LIMCH1: variants seen among roughly 807,000 people sequenced by gnomAD.
The protein encoded by LIMCH1 is LIM and calponin homology domains 1.
Under a neutral mutation model 176.5 loss-of-function variants are expected in LIMCH1, and 113 were observed. The ratio of observed to expected loss-of-function variants is 0.64; its 90% CI spans 0.55 to 0.75. The LOEUF is 0.75. Among genes scored for constraint, LIMCH1 ranks in the 30% least tolerant of loss-of-function variants. LIMCH1 has a pLI of 0.00. For missense variants in LIMCH1, 1,674 were observed against 1,814.9 expected, an observed-to-expected ratio of 0.92 and a Z score of 1.41; for synonymous variants, 619 against 645.9, an observed-to-expected ratio of 0.96 and a Z score of 0.63.
intron 15 of LIMCH1, 115 bp downstream of exon 15, chr4:41,644,741 T>A (rs13101981): frequency 0.12 from 158,666 of 1,273,238 alleles, 10,510 homozygotes; most frequent in Admixed American, 0.18. Context: ...CCCTAGAGGG[T>A]TTCAAAAGGT....
intron 20 of LIMCH1, among the ~76,000 whole-genome samples, chr4:41,663,188 T>G (rs1226978438): frequency 1.4e-5 from 2 of 146,932 alleles, no homozygotes; most frequent in African/African-American, 2.5e-5. Flanking sequence ...AGTTTTGCTC[T>G]TGTTGCCCAG....
At chr4:41,685,948 C>G in intron 28 of LIMCH1, 118 bp downstream of exon 28, 1 of 1,094,270 alleles carries the variant, frequency 9.1e-7, no homozygotes, top group Non-Finnish European at 1.3e-6. Flanking sequence ...TGTGCTTTCT[C>G]TCCATTAAAT....
chr4:41,468,321 C>T, intron 1 of LIMCH1, among the ~76,000 whole-genome samples: 1 of 91,440 alleles, frequency 1.1e-5, no homozygotes, highest in Non-Finnish European at 2.3e-5. Context: ...CCTGCCCTGC[C>T]TTCCCTGCTC....
At chr4:41,373,242 A>G (rs1421255868) in intron 1 of LIMCH1, among the ~76,000 whole-genome samples, 1 of 152,160 alleles carries the variant, frequency 6.6e-6, no homozygotes, top group Non-Finnish European at 1.5e-5. Flanking sequence ...GCCATGCAAA[A>G]ATGAGCAAGA....
rs1430236027 is a variant in LIMCH1, at chr4:41,692,275, C to G, written c.4276-7C>G. The G allele has an allele frequency of 1.3e-6, 2 of 1,560,152 alleles. No individual in the cohort carries two copies. Among genetic ancestry groups the G allele is most frequent in the African/African-American group, 2.7e-5 (2 of 73,758 alleles). ...ATCTTATGATGTCTGTTCTTTTTAC[C>G]CTATAGTGTGGAATTTGTAAAGGCC... On this transcript the variant is annotated splice_region_variant and splice_polypyrimidine_tract_variant and intron_variant, in intron 30 of 31. Transcript: ENST00000503057.
rs1395080837 is a variant in LIMCH1, at chr4:41,698,765, C to T, written c.*1580C>T. On this transcript the variant is annotated 3_prime_UTR_variant, in exon 32 of 32. Coordinates refer to ENST00000503057, the MANE Select transcript of LIMCH1 (RefSeq NM_001330672.2). Reference sequence around the variant, plus strand: ...TTCCATATAGGTGCAGAAATTTCCTCAGCCACTGGAGGGATTTCGACCATA... The same window carrying T: ...TTCCATATAGGTGCAGAAATTTCCTTAGCCACTGGAGGGATTTCGACCATA... 2.0e-5 allele frequency: 3 copies of T among 152,602 alleles called. No homozygotes were observed. Among genetic ancestry groups the T allele is most frequent in the Non-Finnish European group, 4.4e-5 (3 of 68,044 alleles). 9.5% of individuals were successfully genotyped at this position (152,602 alleles called of 1,614,324 possible). A position where few individuals can be genotyped will look rare whatever the true frequency, so the allele number is the denominator to read the frequency against.
intron 1 of LIMCH1, among the ~76,000 whole-genome samples, chr4:41,429,658 G>A (rs2061422288): frequency 6.6e-6 from 1 of 152,196 alleles, no homozygotes; most frequent in Non-Finnish European, 1.5e-5. Context: ...TGCCTTTCTT[G>A]ATTTTTCTTC....
rs1491248945 is a variant in LIMCH1, at chr4:41,458,794, AAT to A, written c.97-35740_97-35739del. Among the ~76,000 whole-genome samples, 22 of 150,742 alleles carry A rather than the reference AAT, an allele frequency of 1.5e-4. 2 individuals carry two copies. The highest frequency in any genetic ancestry group is 2.2e-4 in the African/African-American group (9 of 41,010). ...TCACCAAAAAAAAAAAAAAAAAAAAAATAGATTGTGAGTCCTTTCTTGAATAT... is the reference window on the plus strand; with the variant it reads ...TCACCAAAAAAAAAAAAAAAAAAAAAAGATTGTGAGTCCTTTCTTGAATAT... On this transcript the variant is annotated intron_variant, in intron 1 of 26. Coordinates refer to the LIMCH1 transcript ENST00000313860.
chr4:41,581,112 G>GTCTATCTATCTATCTA (rs1554109824), intron 1 of LIMCH1, among the ~76,000 whole-genome samples: 2,751 of 132,958 alleles, frequency 0.021, 45 homozygotes, highest in African/African-American at 0.039. Flanking sequence ...CTGTCTGTCT[G>GTCTATCTATCTATCTA]TCTATCTATC....
At chr4:41,503,485 A>C (rs970240828) in intron 2 of LIMCH1, among the ~76,000 whole-genome samples, 32 of 152,324 alleles carry the variant, frequency 2.1e-4, no homozygotes, top group Non-Finnish European at 3.7e-4. Flanking sequence ...TCCAACCAGG[A>C]CAGACAGCCT....
At chr4:41,680,928 T>G (rs1715197199) in intron 24 of LIMCH1, 27 bp from the exon 25 acceptor site, 1 of 1,258,430 alleles carries the variant, frequency 7.9e-7, no homozygotes, top group African/African-American at 1.5e-5. Flanking sequence ...TTTCCCCCCT[T>G]TCATCGATTC....
At chr4:41,644,473 T>C in intron 14 of LIMCH1, 27 bp from the exon 15 acceptor site, 1 of 1,497,184 alleles carries the variant, frequency 6.7e-7, no homozygotes, top group Admixed American at 2.3e-5. Flanking sequence ...TCGCGGTCCC[T>C]CTTGTGTTCG....
At chr4:41,661,330 T>C (rs1406624965) in intron 18 of LIMCH1, 90 bp from the exon 19 acceptor site, 1 of 894,238 alleles carries the variant, frequency 1.1e-6, no homozygotes, top group Non-Finnish European at 1.8e-6. Context: ...CCAAACCACT[T>C]TGTTGACCTA....
chr4:41,644,699 G>C, intron 15 of LIMCH1, 73 bp downstream of exon 15: 1 of 1,537,478 alleles, frequency 6.5e-7, no homozygotes. Context: ...GTGGGTAGAC[G>C]TGGACTTGAA....
At chr4:41,478,535 A>T (rs2068082582) in intron 1 of LIMCH1, among the ~76,000 whole-genome samples, 1 of 152,232 alleles carries the variant, frequency 6.6e-6, no homozygotes. Flanking sequence ...AATGCCAAGA[A>T]TTGGTGACAT....
chr4:41,684,470 A>G lies in LIMCH1; in HGVS notation c.3919A>G (p.Thr1307Ala), dbSNP rs907285415. ...AGTCCATGAAGACCATCAGCTGGATACCGAGGCTGGGGCCCCACACTGTGG... is the reference window on the plus strand; with the variant it reads ...AGTCCATGAAGACCATCAGCTGGATGCCGAGGCTGGGGCCCCACACTGTGG... ...KGVHEDHQLD[T>A]EAGAPHCGTN... Residue 1307 changes from threonine (T) to alanine (A), a missense_variant, in exon 27 of 32, where the codon ACC (threonine) becomes GCC (alanine). By Grantham distance (58) the Thr-to-Ala change is moderately conservative (BLOSUM62 0). This residue lies in a region of LIMCH1 where 1,015 missense variants were observed against 1,102.5 expected (regional missense o/e 0.92). Coordinates refer to ENST00000503057, the MANE Select transcript of LIMCH1 (RefSeq NM_001330672.2). 2 of 1,613,712 alleles carry G rather than the reference A, an allele frequency of 1.2e-6. No individual in the cohort carries two copies. The highest frequency in any genetic ancestry group is 2.7e-5 in the African/African-American group (2 of 74,900).
intron 1 of LIMCH1, among the ~76,000 whole-genome samples, chr4:41,478,071 G>C (rs1440250619): frequency 6.6e-6 from 1 of 152,112 alleles, no homozygotes; most frequent in Admixed American, 6.5e-5. Context: ...TTATAAGAGG[G>C]AAAAACAAGG....
intron 1 of LIMCH1, among the ~76,000 whole-genome samples, chr4:41,573,254 A>G (rs1467015997): frequency 6.6e-6 from 1 of 152,234 alleles, no homozygotes; most frequent in African/African-American, 2.4e-5. Context: ...CAGCATCAAC[A>G]ATCAATTTAG....
At chr4:41,388,708 T>C (rs2056825880) in intron 1 of LIMCH1, among the ~76,000 whole-genome samples, 1 of 152,094 alleles carries the variant, frequency 6.6e-6, no homozygotes, top group Non-Finnish European at 1.5e-5. Context: ...AATGGCACGA[T>C]CTTGGCTCAC....
Sources: gnomAD v4.1 joint callset for allele counts (sites outside exome capture counted in the v4.1 genomes callset) on GRCh38, gnomAD v4.1.1 for gene constraint, gnomAD v4.1.1 regional missense constraint, MANE v1.5 for transcripts, NCBI Gene and HGNC (gene_info 2026-07-23, HGNC 2026-07-21) for gene names.